The following OXNAD1 variants were observed in gnomAD, a reference collection of about 807,000 sequenced individuals.
OXNAD1 encodes the protein oxidoreductase NAD binding domain containing 1, also known as oxidoreductase NAD-binding domain-containing protein 1.
A neutral mutation model predicts 32.9 loss-of-function variants in OXNAD1; 34 were observed. That is an observed-to-expected ratio of 1.03 (90% CI 0.79 to 1.38). The LOEUF is 1.38. OXNAD1 is among the 40% of genes most tolerant of loss of function. The pLI, the probability that OXNAD1 is intolerant of heterozygous loss-of-function variation, is 0.00. For missense variants in OXNAD1, 407 were observed against 379.4 expected, an observed-to-expected ratio of 1.07 and a Z score of -0.60; for synonymous variants, 134 against 135.2, an observed-to-expected ratio of 0.99 and a Z score of 0.06.
rs28524788 is a variant in OXNAD1 at position 16,289,050 on chromosome 3, T to C, written c.290+2602T>C. On this transcript the variant is annotated intron_variant, in intron 5 of 8. Transcript: ENST00000285083. This position sits in a 1 kb window ranked among gnomAD's most constrained non-coding sequence, Gnocchi z 4.9. ...GGTCAGTTTCCTTATTTGTCTGGGC[T>C]TCAGTTCTCATATCTTCAAAGAGGG... 0.15 allele frequency among the ~76,000 whole-genome samples: 22,420 copies of C among 152,230 alleles called. 1,801 individuals carry two copies. Among genetic ancestry groups the C allele is most frequent in the African/African-American group, 0.2 (8,329 of 41,522 alleles).
intron 9 of OXNAD1, among the ~76,000 whole-genome samples, chr3:16,323,147 T>G (rs2069271799): frequency 6.6e-6 from 1 of 152,084 alleles, no homozygotes; most frequent in African/African-American, 2.4e-5. Context: ...CTCTCCTCCA[T>G]CCTTCTGGCC....
At chr3:16,339,287 G>GC (rs768620085), downstream of OXNAD1, 7 of 152,248 alleles carry the variant, frequency 4.6e-5, no homozygotes, top group Non-Finnish European at 7.3e-5. Flanking sequence ...TTCTCACTCA[G>GC]CCCTCCCTCC....
At chr3:16,296,808 T>A (rs2066832177) in intron 6 of OXNAD1, among the ~76,000 whole-genome samples, 1 of 152,122 alleles carries the variant, frequency 6.6e-6, no homozygotes, top group Admixed American at 6.6e-5. Flanking sequence ...CCAAAAACCT[T>A]CAACCTAAAC....
In OXNAD1 at chr3:16,274,339, T is replaced by C. The variant is rs111259277; in HGVS notation, c.183+2617T>C. ...GTTAGTGACATATAAAGTACTGATA[T>C]ACATATTCTTTCAAGTTTGAAGTAC... On this transcript the variant is annotated intron_variant, in intron 4 of 8. Transcript: ENST00000285083. 4.6e-5 allele frequency among the ~76,000 whole-genome samples: 7 copies of C among 152,304 alleles called. 1 individual carries two copies. Among genetic ancestry groups the C allele is most frequent in the Admixed American group, 2.0e-4 (3 of 15,302 alleles).
intron 4 of OXNAD1, among the ~76,000 whole-genome samples, chr3:16,278,708 A>G (rs182600385): frequency 6.6e-6 from 1 of 152,384 alleles, no homozygotes; most frequent in East Asian, 1.9e-4. Flanking sequence ...CACTCTGTTT[A>G]GACGGACAAG....
chr3:16,347,727 TTACTATA>T (rs1311622699), intron 9 of OXNAD1: 2 of 152,242 alleles, frequency 1.3e-5, no homozygotes, highest in Non-Finnish European at 2.9e-5. Flanking sequence ...GATTCAGTCT[TTACTATA>T]TACACATTTG....
At position 16,337,202 on chromosome 3, in the gene OXNAD1, C is replaced by G. The variant is rs2070939366; in HGVS notation, c.*121C>G. On this transcript the variant is annotated 3_prime_UTR_variant, in exon 10 of 10. Coordinates refer to the OXNAD1 transcript ENST00000435829. This position sits in a 1 kb window ranked among gnomAD's most constrained non-coding sequence, Gnocchi z 5.0. The stretch of plus-strand genomic sequence containing the variant: ...TGCTAAGCAGCAGACGTGAGAGATG[C>G]CATCTTGGAGCTGCTAGCTGTGGTC... The G allele has an allele frequency of 6.6e-6, 1 of 152,164 alleles. No homozygotes were observed. Among genetic ancestry groups the G allele is most frequent in the Admixed American group, 6.5e-5 (1 of 15,280 alleles). The allele number at this position is 152,164 out of a possible 1,614,324, so 9.4% of individuals were successfully genotyped here. A position where few individuals can be genotyped will look rare whatever the true frequency, so the allele number is the denominator to read the frequency against.
At chr3:16,268,037 A>G (rs1423547689) in intron 1 of OXNAD1, among the ~76,000 whole-genome samples, 2 of 152,174 alleles carry the variant, frequency 1.3e-5, no homozygotes, top group African/African-American at 4.8e-5. Context: ...GGATACAGAC[A>G]TTGATGGGAT....
rs200966609 is a variant in OXNAD1 at position 16,327,919 on chromosome 3, GC to G, written c.*31-9188del. Among the ~76,000 whole-genome samples, 5,380 of 152,266 alleles carry G rather than the reference GC, an allele frequency of 0.035. 160 individuals carry two copies. The highest frequency in any genetic ancestry group is 0.049 in the Non-Finnish European group (3,344 of 68,020). ...GTTCCTCACTAACACTCAAAGTGTA[GC>G]CCCCACCCCTGCTCTGTGTGTAACT... On this transcript the variant is annotated intron_variant, in intron 9 of 9. Coordinates refer to the OXNAD1 transcript ENST00000435829. This position sits in a 1 kb window ranked among gnomAD's most constrained non-coding sequence, Gnocchi z 4.2.
rs556292734 is a variant in OXNAD1 at position 16,333,981 on chromosome 3, C to T, written c.*31-3131C>T. On this transcript the variant is annotated intron_variant, in intron 9 of 9. Coordinates refer to the OXNAD1 transcript ENST00000435829. Reference sequence around the variant, plus strand: ...GAGATCGAGACCATCCGGGCTAACACGGTGAAACCCCGTCTCTACTAAAAA... The same window carrying T: ...GAGATCGAGACCATCCGGGCTAACATGGTGAAACCCCGTCTCTACTAAAAA... Among the ~76,000 whole-genome samples the T allele has an allele frequency of 1.5e-4, 23 of 151,928 alleles. 1 individual carries two copies. Among genetic ancestry groups the T allele is most frequent in the South Asian group, 6.2e-4 (3 of 4,806 alleles).
rs996702183 is a variant in OXNAD1, at chr3:16,269,145, A to G, written c.-139A>G. ...TTGCAGGAACTTTGTGAGAATTTTA[A>G]TGCATGGAAAAGCTGTCCATGTTCC... On this transcript the variant is annotated 5_prime_UTR_variant, in exon 2 of 9. It removes an upstream start codon present in the reference 5' UTR. Transcript: ENST00000285083. The G allele has an allele frequency of 1.9e-5, 28 of 1,489,854 alleles. No individual in the cohort carries two copies. The African/African-American group carries it at 3.8e-4, about 20-fold the overall frequency. The allele number at this position is 1,489,854 out of a possible 1,614,324, so 92.3% of individuals were successfully genotyped here. A position where few individuals can be genotyped will look rare whatever the true frequency, so the allele number is the denominator to read the frequency against.
At chr3:16,351,156 A>G (rs1398251117), downstream of OXNAD1, among the ~76,000 whole-genome samples, 2 of 152,216 alleles carry the variant, frequency 1.3e-5, no homozygotes, top group African/African-American at 4.8e-5. The surrounding 1 kb of genome is among the most constrained non-coding windows in gnomAD (Gnocchi z 5.4). Context: ...TGTAAATACA[A>G]TAGAGGAATG....
At chr3:16,269,917 A>C (rs1054774281) in intron 2 of OXNAD1, among the ~76,000 whole-genome samples, 13 of 152,210 alleles carry the variant, frequency 8.5e-5, no homozygotes, top group South Asian at 2.1e-4. Flanking sequence ...TTTTAGACAA[A>C]GAAATGTTTA....
chr3:16,276,684 GC>G (rs2065354222), intron 4 of OXNAD1: 1 of 152,376 alleles, frequency 6.6e-6, no homozygotes, highest in Non-Finnish European at 1.5e-5. Flanking sequence ...GAGACCCGGG[GC>G]CAGCAAAAGG....
At chr3:16,338,260 G>A (rs2071049327), downstream of OXNAD1, among the ~76,000 whole-genome samples, 1 of 152,234 alleles carries the variant, frequency 6.6e-6, no homozygotes, top group South Asian at 2.1e-4. The surrounding 1 kb of genome is among the most constrained non-coding windows in gnomAD (Gnocchi z 5.3). Context: ...ACCTGCATGA[G>A]CAGAATGAGA....
rs752814034 is a variant in OXNAD1 at position 16,277,915 on chromosome 3, G to C, written c.183+6193G>C. ...TAAGAATCAAAAGAATAAGCAGTCT[G>C]AGTAACCCTAGAAATGTCAAGGAGA... is the stretch of plus-strand genomic sequence containing the variant. On this transcript the variant is annotated intron_variant, in intron 4 of 8. Coordinates refer to ENST00000285083, the MANE Select transcript of OXNAD1 (RefSeq NM_138381.5). The surrounding 1 kb of genome is among the most constrained non-coding windows in gnomAD (Gnocchi z 4.3). 1.3e-5 allele frequency among the ~76,000 whole-genome samples: 2 copies of C among 152,194 alleles called. No homozygotes were observed. The highest frequency in any genetic ancestry group is 2.4e-5 in the African/African-American group (1 of 41,446).
rs1183314724 is a variant in OXNAD1 at position 16,305,783 on chromosome 3, G to A, written c.*2221G>A. ...AATTACATACAACTACATGTAAAAG[G>A]GAGATGATACTGCTGCCTACCTACC... On this transcript the variant is annotated 3_prime_UTR_variant, in exon 9 of 9. Coordinates refer to ENST00000285083, the MANE Select transcript of OXNAD1 (RefSeq NM_138381.5). The surrounding 1 kb of genome is among the most constrained non-coding windows in gnomAD (Gnocchi z 4.5). The A allele has an allele frequency of 2.0e-5, 3 of 152,194 alleles. No homozygotes were observed. The highest frequency in any genetic ancestry group is 7.2e-5 in the African/African-American group (3 of 41,438). 9.4% of individuals were successfully genotyped at this position (152,194 alleles called of 1,614,324 possible). A position where few individuals can be genotyped will look rare whatever the true frequency, so the allele number is the denominator to read the frequency against.
In OXNAD1 at chr3:16,287,106, G is replaced by T. The variant is rs1011343421; in HGVS notation, c.290+658G>T. Among the ~76,000 whole-genome samples, 1 of 152,140 alleles carries T rather than the reference G, an allele frequency of 6.6e-6. No individual in the cohort carries two copies. The highest frequency in any genetic ancestry group is 6.5e-5 in the Admixed American group (1 of 15,278). On this transcript the variant is annotated intron_variant, in intron 5 of 8. Transcript: ENST00000285083. This position sits in a 1 kb window ranked among gnomAD's most constrained non-coding sequence, Gnocchi z 4.8. ...GACTGGGTAACATTTCCTCCGAATG[G>T]GGCCTCCCTGAGCTTCAATTCAAGT...
exon 10 of OXNAD1, chr3:16,349,897 T>C (rs1405979334): frequency 6.6e-6 from 1 of 152,270 alleles, no homozygotes; most frequent in Non-Finnish European, 1.5e-5. Flanking sequence ...GGAGTCGATG[T>C]TGCAGTTTTG....
Sources: allele counts gnomAD v4.1 joint callset (sites outside exome capture counted in the v4.1 genomes callset), GRCh38; gene constraint gnomAD v4.1.1; non-coding constraint Gnocchi (gnomAD v3.1); transcripts MANE v1.5; gene names NCBI Gene and HGNC (gene_info 2026-07-23, HGNC 2026-07-21).